The following CIROZ variants were observed in gnomAD, a reference collection of about 807,000 sequenced individuals.
CIROZ encodes the protein ciliated left-right organizer ZP-N domains-containing protein.
chr1:10,976,207 A>C, the CIROZ span: 19 of 1,536,624 alleles, frequency 1.2e-5, no homozygotes, highest in Non-Finnish European at 1.4e-5. Context: ...GACCTGAAGG[A>C]GAGGCTCCAT....
the CIROZ span, chr1:10,948,171 G>A: frequency 2.4e-5 from 39 of 1,613,600 alleles, no homozygotes; most frequent in African/African-American, 1.1e-4. Flanking sequence ...GGAGAGTCCC[G>A]GCCCCTCTAT....
the CIROZ span, chr1:10,958,664 G>A: frequency 6.2e-7 from 1 of 1,606,530 alleles, no homozygotes; most frequent in South Asian, 1.1e-5. Flanking sequence ...ACCAGTCCTA[G>A]CAGAAACTTC....
the CIROZ span, among the ~76,000 whole-genome samples, chr1:10,978,091 C>T: frequency 1.2e-4 from 18 of 151,750 alleles, 1 homozygote; most frequent in Non-Finnish European, 2.4e-4. Flanking sequence ...ATCGCTTGAA[C>T]CCGAGAGGCG....
chr1:10,953,918 G>A, the CIROZ span: 12 of 1,467,786 alleles, frequency 8.2e-6, no homozygotes, highest in Non-Finnish European at 7.3e-6. Flanking sequence ...TCCAGGGAGT[G>A]AAACATTGTC....
chr1:10,982,069 G>C, the CIROZ span: 1 of 1,537,142 alleles, frequency 6.5e-7, no homozygotes, highest in South Asian at 1.2e-5. Context: ...CCTGCCCTGG[G>C]AGAATTTAAT....
the CIROZ span, chr1:10,964,284 C>A: frequency 1.9e-6 from 3 of 1,601,914 alleles, no homozygotes; most frequent in South Asian, 1.1e-5. Context: ...GGAAGTAGGG[C>A]AAAATTCATG....
chr1:10,966,733 T>C, the CIROZ span, among the ~76,000 whole-genome samples: 8 of 152,262 alleles, frequency 5.3e-5, no homozygotes, highest in African/African-American at 1.9e-4. Flanking sequence ...CTTGTGTCAT[T>C]GCAGCTGCCT....
the CIROZ span, among the ~76,000 whole-genome samples, chr1:10,978,841 T>A: frequency 1.3e-5 from 2 of 151,762 alleles, no homozygotes; most frequent in Non-Finnish European, 2.9e-5. Context: ...AGAAGGTCAG[T>A]GGAACTAGAG....
At chr1:10,975,260 G>T in the CIROZ span, among the ~76,000 whole-genome samples, 4 of 152,064 alleles carry the variant, frequency 2.6e-5, no homozygotes, top group East Asian at 7.7e-4. Flanking sequence ...GCAAAAATTA[G>T]CCAGGCGTGG....
At chr1:10,968,891 A>C in the CIROZ span, among the ~76,000 whole-genome samples, 4 of 152,244 alleles carry the variant, frequency 2.6e-5, no homozygotes, top group African/African-American at 7.2e-5. Context: ...AAGCCATAAA[A>C]ATTACTTATT....
chr1:10,952,670 C>T, the CIROZ span, among the ~76,000 whole-genome samples: 1,382 of 152,330 alleles, frequency 9.1e-3, 16 homozygotes, highest in African/African-American at 0.032. Context: ...GCTGCGATTA[C>T]AGATTAGAGA....
the CIROZ span, among the ~76,000 whole-genome samples, chr1:10,977,369 GCTACTCGGGAGGCTGAGACAA>G: frequency 0.044 from 6,737 of 152,198 alleles, 515 homozygotes; most frequent in African/African-American, 0.15. Flanking sequence ...TGTAATCCCA[GCTACTCGGGAGGCTGAGACAA>G]GAGAATTGCT....
the CIROZ span, among the ~76,000 whole-genome samples, chr1:10,954,440 C>G: frequency 0.019 from 2,717 of 142,158 alleles, 105 homozygotes; most frequent in African/African-American, 0.071. Context: ...GGCAACAGAG[C>G]GAGACTCTGT....
At chr1:10,980,901 G>A in the CIROZ span, among the ~76,000 whole-genome samples, 3 of 152,176 alleles carry the variant, frequency 2.0e-5, no homozygotes, top group East Asian at 3.9e-4. Context: ...GACAGGGCCC[G>A]GACCTCCCCC....
the CIROZ span, among the ~76,000 whole-genome samples, chr1:10,963,948 G>T: frequency 2.6e-5 from 4 of 152,042 alleles, no homozygotes; most frequent in Non-Finnish European, 4.4e-5. Flanking sequence ...ACCCAGCAGA[G>T]ACCTAGCCAG....
the CIROZ span, among the ~76,000 whole-genome samples, chr1:10,975,660 TA>T: frequency 1.3e-5 from 2 of 148,690 alleles, no homozygotes; most frequent in Non-Finnish European, 3.0e-5. Context: ...AAGCCCAGAG[TA>T]AGCGCTCAAC....
chr1:10,977,612 C>T, the CIROZ span, among the ~76,000 whole-genome samples: 2 of 152,152 alleles, frequency 1.3e-5, no homozygotes, highest in African/African-American at 2.4e-5. Flanking sequence ...ATTTCTAGAT[C>T]AGGATGCAAA....
chr1:10,951,730 T>TAAAAAAAAAAAAAAAAA, the CIROZ span, among the ~76,000 whole-genome samples: 1 of 125,380 alleles, frequency 8.0e-6, no homozygotes, highest in African/African-American at 3.3e-5. Context: ...GTCTCTTATT[T>TAAAAAAAAAAAAAAAAA]AAAAAAAAAA....
chr1:10,977,357 C>G, the CIROZ span, among the ~76,000 whole-genome samples: 3 of 150,666 alleles, frequency 2.0e-5, no homozygotes, highest in Non-Finnish European at 2.9e-5. Context: ...GTGGCGTGCG[C>G]CTGTAATCCC....
Sources: gnomAD v4.1 joint callset for allele counts (sites outside exome capture counted in the v4.1 genomes callset) on GRCh38, gnomAD v4.1.1 for gene constraint, MANE v1.5 for transcripts, NCBI Gene and HGNC (gene_info 2026-07-23, HGNC 2026-07-21) for gene names.